Variants in SCUBE1 observed in about 807,000 individuals in gnomAD.
The protein encoded by SCUBE1 is signal peptide, CUB domain and EGF like domain containing 1.
Under a neutral mutation model 124.4 loss-of-function variants are expected in SCUBE1, and 59 were observed. The observed-to-expected ratio is 0.47, with a 90% CI of 0.38 to 0.59. The LOEUF is 0.59. SCUBE1 is among the 20% of genes least tolerant of loss of function. The probability of loss-of-function intolerance (pLI) is 0.00; values close to 1 mark genes in which losing one functional copy is unlikely to be tolerated. For synonymous variants in SCUBE1, 545 were observed against 550.9 expected (o/e 0.99, Z 0.15); for missense variants, 1,150 against 1,371.2 (o/e 0.84, Z 2.55).
intron 2 of SCUBE1, among the ~76,000 whole-genome samples, chr22:43,337,341 T>C (rs961285291): frequency 1.3e-5 from 2 of 152,132 alleles, no homozygotes; most frequent in Non-Finnish European, 1.5e-5. Flanking sequence ...GGAGCTGGGC[T>C]TGGGAAGGAA....
At chr22:43,294,596 C>T (rs1463692762) in intron 3 of SCUBE1, among the ~76,000 whole-genome samples, 1 of 152,246 alleles carries the variant, frequency 6.6e-6, no homozygotes, top group African/African-American at 2.4e-5. Context: ...GGGAGTCAGG[C>T]TCCCTGAGTT....
At chr22:43,277,343 G>A (rs899045730) in intron 4 of SCUBE1, among the ~76,000 whole-genome samples, 2 of 152,062 alleles carry the variant, frequency 1.3e-5, no homozygotes, top group Non-Finnish European at 2.9e-5. Flanking sequence ...CAGAGGGTTG[G>A]GCAGAGCAGT....
intron 4 of SCUBE1, among the ~76,000 whole-genome samples, chr22:43,285,699 C>T (rs529409962): frequency 1.5e-4 from 23 of 152,232 alleles, no homozygotes; most frequent in Admixed American, 3.9e-4. Flanking sequence ...GGCCCTGGTG[C>T]TCCCTCTGTG....
At chr22:43,227,587 C>A in intron 9 of SCUBE1, 91 bp from the exon 10 acceptor site, 1 of 1,515,708 alleles carries the variant, frequency 6.6e-7, no homozygotes, top group Non-Finnish European at 9.0e-7. Flanking sequence ...GGGCAAGAAT[C>A]TCCTGACCCC....
At chr22:43,279,868 C>T (rs1924693524) in intron 4 of SCUBE1, among the ~76,000 whole-genome samples, 1 of 152,192 alleles carries the variant, frequency 6.6e-6, no homozygotes, top group African/African-American at 2.4e-5. Context: ...GACATGTGGT[C>T]ACTAAAGTGC....
intron 8 of SCUBE1, 32 bp from the exon 9 acceptor site, chr22:43,229,220 A>G: frequency 1.1e-6 from 1 of 899,112 alleles, no homozygotes; most frequent in Non-Finnish European, 1.8e-6. Flanking sequence ...AAGTTGGGGG[A>G]GGAGTTTGAG....
In SCUBE1 at chr22:43,244,877, G is replaced by A. The variant is rs561510153; in HGVS notation, c.728-5923C>T. Among the ~76,000 whole-genome samples, 73 of 152,334 alleles carry A rather than the reference G, an allele frequency of 4.8e-4. 2 individuals carry two copies. In the South Asian group the frequency reaches 0.014, roughly 29 times the overall value. On this transcript the variant is annotated intron_variant, in intron 6 of 21. Coordinates refer to ENST00000360835, the MANE Select transcript of SCUBE1 (RefSeq NM_173050.5). The stretch of plus-strand genomic sequence containing the variant: ...CCTACCCTGATGATGGGGGCAGCCC[G>A]GGGTCCTCGCCAGAACCTGCTGATC...
At chr22:43,323,928 G>A (rs1926640337) in intron 2 of SCUBE1, among the ~76,000 whole-genome samples, 2 of 152,200 alleles carry the variant, frequency 1.3e-5, no homozygotes, top group African/African-American at 2.4e-5. Flanking sequence ...TTTGATAACT[G>A]TAGCACAATG....
intron 6 of SCUBE1, among the ~76,000 whole-genome samples, chr22:43,251,641 C>T (rs1923453225): frequency 6.6e-6 from 1 of 152,148 alleles, no homozygotes; most frequent in African/African-American, 2.4e-5. Flanking sequence ...ACGTGGGCAG[C>T]TCTAGAAGCT....
At chr22:43,286,595 C>T (rs1485500529) in intron 4 of SCUBE1, among the ~76,000 whole-genome samples, 1 of 152,256 alleles carries the variant, frequency 6.6e-6, no homozygotes, top group Admixed American at 6.5e-5. Context: ...TCACGAACGT[C>T]TCTGCTGCTC....
At chr22:43,288,456 C>T (rs1925231063) in intron 4 of SCUBE1, among the ~76,000 whole-genome samples, 1 of 152,216 alleles carries the variant, frequency 6.6e-6, no homozygotes, top group South Asian at 2.1e-4. Context: ...CACAGCCCAC[C>T]AGGCCCCATG....
chr22:43,327,784 C>T (rs1926775201), intron 2 of SCUBE1, among the ~76,000 whole-genome samples: 1 of 151,976 alleles, frequency 6.6e-6, no homozygotes, highest in South Asian at 2.1e-4. Context: ...AAGACTCTGT[C>T]TCAAATAAAA....
chr22:43,320,407 C>A (rs185264243), intron 2 of SCUBE1, among the ~76,000 whole-genome samples: 1 of 152,282 alleles, frequency 6.6e-6, no homozygotes, highest in Admixed American at 6.5e-5. Flanking sequence ...AAGAAAAGTC[C>A]ACTAACTCCT....
At chr22:43,278,261 C>G in intron 4 of SCUBE1, among the ~76,000 whole-genome samples, 1 of 152,266 alleles carries the variant, frequency 6.6e-6, no homozygotes, top group East Asian at 1.9e-4. Flanking sequence ...TGGTCTGCAG[C>G]AGGCAAGGGA....
intron 21 of SCUBE1, among the ~76,000 whole-genome samples, chr22:43,204,639 G>A (rs1921145926): frequency 6.6e-6 from 1 of 151,426 alleles, no homozygotes; most frequent in Admixed American, 6.6e-5. Flanking sequence ...TTAACTCTTG[G>A]GATTCCAATA....
chr22:43,214,047 G>GGCCCCCCCCCCCCCC, intron 16 of SCUBE1, 43 bp downstream of exon 16: 1 of 143,438 alleles, frequency 7.0e-6, no homozygotes, highest in Non-Finnish European at 1.3e-5. Context: ...AGGAGCCCCC[G>GGCCCCCCCCCCCCCC]CCCACCCCCC....
chr22:43,255,611 G>A lies in SCUBE1; in HGVS notation c.727+2608C>T, dbSNP rs758802539. ...CAAGTAAGGGACAAACACGGAGCCA[G>A]TGGTTAATGACAGCCCACTTCCCGC... On this transcript the variant is annotated intron_variant, in intron 6 of 21. Coordinates refer to ENST00000360835, the MANE Select transcript of SCUBE1 (RefSeq NM_173050.5). This position sits in a 1 kb window ranked among gnomAD's most constrained non-coding sequence, Gnocchi z 4.7. 5.2e-6 allele frequency: 8 copies of A among 1,529,778 alleles called. No homozygotes were observed. The South Asian group carries it at 8.4e-5, about 16-fold the overall frequency. 94.8% of individuals were successfully genotyped at this position (1,529,778 alleles called of 1,614,324 possible). A position where few individuals can be genotyped will look rare whatever the true frequency, so the allele number is the denominator to read the frequency against.
chr22:43,215,870 T>C (rs1398160276), intron 15 of SCUBE1, among the ~76,000 whole-genome samples: 1 of 151,848 alleles, frequency 6.6e-6, no homozygotes, highest in East Asian at 1.9e-4. Flanking sequence ...GTGTGTGGGT[T>C]GGATGGTGAA....
chr22:43,214,049 CCACCCCCCA>C, intron 16 of SCUBE1, 32 bp downstream of exon 16: 1 of 261,134 alleles, frequency 3.8e-6, no homozygotes, highest in Non-Finnish European at 7.7e-6. Context: ...GAGCCCCCGC[CCACCCCCCA>C]CCCCCACCTC....
Sources: gnomAD v4.1 joint callset for allele counts (sites outside exome capture counted in the v4.1 genomes callset) on GRCh38, gnomAD v4.1.1 for gene constraint, Gnocchi (gnomAD v3.1) non-coding constraint, MANE v1.5 for transcripts, NCBI Gene and HGNC (gene_info 2026-07-23, HGNC 2026-07-21) for gene names.